KCNB2: variants seen among roughly 807,000 people sequenced by gnomAD.
KCNB2 encodes the protein delayed rectifier potassium channel protein.
A neutral mutation model predicts 61.5 loss-of-function variants in KCNB2; 15 were observed. That is an observed-to-expected ratio of 0.24 (90% CI 0.16 to 0.38). KCNB2 has a LOEUF of 0.38. KCNB2 is among the 10% of genes least tolerant of loss of function. The pLI is 1.00. For missense variants in KCNB2, 828 were observed against 1,125.2 expected (o/e 0.74, Z 3.78); for synonymous variants, 457 against 446.0 (o/e 1.02, Z -0.31).
At chr8:72,727,101 A>G (rs553261630) in intron 2 of KCNB2, among the ~76,000 whole-genome samples, 18 of 152,344 alleles carry the variant, frequency 1.2e-4, no homozygotes, top group African/African-American at 3.6e-4. Flanking sequence ...GAGTCAGGAA[A>G]TCTTTAACAA....
chr8:72,806,892 G>A (rs1809233927), intron 2 of KCNB2, among the ~76,000 whole-genome samples: 1 of 152,168 alleles, frequency 6.6e-6, no homozygotes, highest in African/African-American at 2.4e-5. Context: ...TGATGAATGA[G>A]AGAACAGCAG....
At chr8:72,708,239 G>A (rs1274257293) in intron 2 of KCNB2, among the ~76,000 whole-genome samples, 5 of 152,226 alleles carry the variant, frequency 3.3e-5, no homozygotes, top group Non-Finnish European at 7.3e-5. Context: ...GCAAATGAAA[G>A]ATTTCCAGCA....
In KCNB2 at chr8:72,717,802, A is replaced by C. The variant is rs552027277; in HGVS notation, c.579+149489A>C. On this transcript the variant is annotated intron_variant, in intron 2 of 2. Coordinates refer to ENST00000523207, the MANE Select transcript of KCNB2 (RefSeq NM_004770.3). ...CAAAAGCAATGGCAACAAAAGCCAA[A>C]ATTGACAAATGGGATCTAATTAAAC... 2.3e-3 allele frequency among the ~76,000 whole-genome samples: 344 copies of C among 152,352 alleles called. 1 individual carries two copies. The highest frequency in any genetic ancestry group is 6.4e-3 in the African/African-American group (266 of 41,562).
chr8:72,826,284 C>A (rs1809594558), intron 2 of KCNB2, among the ~76,000 whole-genome samples: 2 of 152,112 alleles, frequency 1.3e-5, no homozygotes, highest in African/African-American at 4.8e-5. Flanking sequence ...TAGGAACTGC[C>A]GATTATCAAC....
rs562654934 is a variant in KCNB2 at position 72,709,972 on chromosome 8, A to C, written c.579+141659A>C. On this transcript the variant is annotated intron_variant, in intron 2 of 2. Transcript: ENST00000523207. The stretch of plus-strand genomic sequence containing the variant: ...CTGATCCTGAATGAAGCTGTAAAGT[A>C]GGGGCTGTTGACTTTGTCACCTCCT... Among the ~76,000 whole-genome samples, 16 of 152,276 alleles carry C rather than the reference A, an allele frequency of 1.1e-4. No individual in the cohort carries two copies. The East Asian group carries it at 3.1e-3, about 29-fold the overall frequency.
At chr8:72,595,519 T>A (rs149868611) in intron 2 of KCNB2, among the ~76,000 whole-genome samples, 1,867 of 151,628 alleles carry the variant, frequency 0.012, 33 homozygotes, top group African/African-American at 0.042. Flanking sequence ...AGAGACGGAG[T>A]TTCACCATAT....
chr8:72,858,465 T>C (rs557048389), intron 2 of KCNB2, among the ~76,000 whole-genome samples: 1 of 152,298 alleles, frequency 6.6e-6, no homozygotes, highest in South Asian at 2.1e-4. Context: ...TAACTTTGAC[T>C]CTCTGCTATA....
intron 2 of KCNB2, among the ~76,000 whole-genome samples, chr8:72,782,203 C>T (rs1006018443): frequency 3.3e-5 from 5 of 152,124 alleles, no homozygotes; most frequent in African/African-American, 1.2e-4. Context: ...TTTTATTATA[C>T]TTACTCCCAA....
chr8:72,640,220 T>C (rs1348324953), intron 2 of KCNB2, among the ~76,000 whole-genome samples: 6 of 152,068 alleles, frequency 3.9e-5, no homozygotes, highest in Non-Finnish European at 8.8e-5. Flanking sequence ...GCCTATTATT[T>C]TTATATTGGT....
intron 2 of KCNB2, among the ~76,000 whole-genome samples, chr8:72,688,217 A>G (rs1234039740): frequency 6.6e-6 from 1 of 152,174 alleles, no homozygotes; most frequent in Non-Finnish European, 1.5e-5. Context: ...GAAATCCTTC[A>G]TGGTCCTGTA....
intron 2 of KCNB2, among the ~76,000 whole-genome samples, chr8:72,745,727 T>C (rs1808051307): frequency 6.6e-6 from 1 of 152,172 alleles, no homozygotes; most frequent in Non-Finnish European, 1.5e-5. Flanking sequence ...GGTTGATCTC[T>C]GATCTCCAGC....
chr8:72,730,922 G>A (rs1388438787), intron 2 of KCNB2, among the ~76,000 whole-genome samples: 1 of 152,222 alleles, frequency 6.6e-6, no homozygotes, highest in South Asian at 2.1e-4. Context: ...AGAAGAAGAT[G>A]TTCTCCTCTA....
Position 72,792,721 on chromosome 8 carries a change from C to T in KCNB2, c.580-143214C>T, listed in dbSNP as rs544375534. On this transcript the variant is annotated intron_variant, in intron 2 of 2. Transcript: ENST00000523207. Reference sequence around the variant, plus strand: ...TACAACTAGAGTTGGAAACCACTGACGTCCACAATCTGATAGCTCTACTGA... The same window carrying T: ...TACAACTAGAGTTGGAAACCACTGATGTCCACAATCTGATAGCTCTACTGA... 3.9e-5 allele frequency among the ~76,000 whole-genome samples: 6 copies of T among 152,172 alleles called. No homozygotes were observed. The East Asian group carries it at 9.6e-4, about 24-fold the overall frequency.
intron 2 of KCNB2, among the ~76,000 whole-genome samples, chr8:72,887,400 T>C (rs925984491): frequency 3.3e-5 from 5 of 152,184 alleles, no homozygotes; most frequent in Non-Finnish European, 5.9e-5. Context: ...ATAAACTTAG[T>C]GTACCAACCA....
Position 72,775,724 on chromosome 8 carries a change from T to TA in KCNB2, c.580-160196dup, listed in dbSNP as rs59529067. ...ATTAAGTGGCTATATGAATGAGCTT[T>TA]AAAAAAAAAAAAAAATGACCCACAG... On this transcript the variant is annotated intron_variant, in intron 2 of 2. Coordinates refer to ENST00000523207, the MANE Select transcript of KCNB2 (RefSeq NM_004770.3). Among the ~76,000 whole-genome samples the TA allele has an allele frequency of 2.8e-3, 401 of 145,764 alleles. 1 individual carries two copies. Among genetic ancestry groups the TA allele is most frequent in the African/African-American group, 8.7e-3 (343 of 39,574 alleles).
chr8:72,637,619 C>G (rs1040368133), intron 2 of KCNB2, among the ~76,000 whole-genome samples: 4 of 152,114 alleles, frequency 2.6e-5, no homozygotes, highest in Non-Finnish European at 4.4e-5. Context: ...TATAGCCTCT[C>G]TCTCTCTCTC....
chr8:72,813,765 C>T (rs1809344643), intron 2 of KCNB2, among the ~76,000 whole-genome samples: 1 of 152,172 alleles, frequency 6.6e-6, no homozygotes, highest in Non-Finnish European at 1.5e-5. Flanking sequence ...TTTAACCACC[C>T]CCAAGGGGTA....
intron 2 of KCNB2, among the ~76,000 whole-genome samples, chr8:72,744,704 G>A (rs906221493): frequency 6.6e-6 from 1 of 152,090 alleles, no homozygotes; most frequent in East Asian, 1.9e-4. Context: ...GAACTGCCAC[G>A]TGAATTGCTT....
At chr8:72,753,127 A>G (rs557083625) in intron 2 of KCNB2, among the ~76,000 whole-genome samples, 1 of 152,342 alleles carries the variant, frequency 6.6e-6, no homozygotes, top group East Asian at 1.9e-4. Context: ...AGGTATCTGG[A>G]TAGCAAACCT....
Sources: allele counts gnomAD v4.1 joint callset (sites outside exome capture counted in the v4.1 genomes callset), GRCh38; gene constraint gnomAD v4.1.1; transcripts MANE v1.5; gene names NCBI Gene and HGNC (gene_info 2026-07-23, HGNC 2026-07-21).